The following TNFAIP6 variants were observed in gnomAD, a reference collection of about 807,000 sequenced individuals.
TNFAIP6 encodes TNF alpha induced protein 6.
TNFAIP6 carries 36 observed loss-of-function variants against 33.7 expected under a neutral mutation model. The observed-to-expected ratio is 1.07, with a 90% CI of 0.82 to 1.41. The LOEUF is 1.41. Among genes scored for constraint, TNFAIP6 ranks in the 40% most tolerant of loss-of-function variants. The pLI is 0.00. For missense variants in TNFAIP6, 273 were observed against 331.9 expected (o/e 0.82, Z 1.38); for synonymous variants, 113 against 112.8 (o/e 1.00, Z -0.01).
At chr2:151,375,449 C>T (rs914626403) in intron 5 of TNFAIP6, among the ~76,000 whole-genome samples, 3 of 152,266 alleles carry the variant, frequency 2.0e-5, no homozygotes, top group Admixed American at 1.3e-4. Flanking sequence ...TGGCTTACGC[C>T]TGTAATCCCA....
chr2:151,359,489 C>G (rs531755011), intron 1 of TNFAIP6, among the ~76,000 whole-genome samples: 1 of 150,794 alleles, frequency 6.6e-6, no homozygotes, highest in Non-Finnish European at 1.5e-5. Flanking sequence ...CCCAGGTTCA[C>G]GCCATTCTCC....
intron 1 of TNFAIP6, among the ~76,000 whole-genome samples, chr2:151,359,973 A>T (rs991491415): frequency 6.6e-6 from 1 of 152,166 alleles, no homozygotes; most frequent in Non-Finnish European, 1.5e-5. Context: ...ACAGATAAGC[A>T]ATTATTTTTA....
chr2:151,364,122 G>A, intron 2 of TNFAIP6, 42 bp downstream of exon 2: 1 of 1,598,462 alleles, frequency 6.3e-7, no homozygotes, highest in Non-Finnish European at 8.5e-7. Flanking sequence ...TTTATCCTTG[G>A]AGGAAAAAAA....
At chr2:151,362,590 A>G (rs543153084) in intron 1 of TNFAIP6, among the ~76,000 whole-genome samples, 4 of 135,702 alleles carry the variant, frequency 2.9e-5, no homozygotes, top group South Asian at 2.4e-4. Flanking sequence ...TCCCGGGTTC[A>G]TGTCATTCTC....
Position 151,370,179 on chromosome 2 carries a change from A to G in TNFAIP6, c.554A>G (p.Asp185Gly), listed in dbSNP as rs762203306. The change falls in exon 4 of 6, where the codon GAC (aspartate) becomes GGC (glycine). Residue 185 changes from aspartate to glycine, a missense_variant. Transcript: ENST00000243347. ...LSFLDFDLED[D>G]PGCLADYVEI... ...TTTTTAGATTTTGACCTTGAAGATGACCCAGGTTGCTTGGCTGATTATGTT... is the reference window on the plus strand; with the variant it reads ...TTTTTAGATTTTGACCTTGAAGATGGCCCAGGTTGCTTGGCTGATTATGTT... 3.7e-6 allele frequency: 6 copies of G among 1,613,994 alleles called. No homozygotes were observed.
At chr2:151,362,240 A>G (rs1684635883) in intron 1 of TNFAIP6, among the ~76,000 whole-genome samples, 1 of 152,160 alleles carries the variant, frequency 6.6e-6, no homozygotes, top group African/African-American at 2.4e-5. Context: ...AAAACAATCC[A>G]TTTAAACAGT....
chr2:151,361,220 G>A (rs1411652628), intron 1 of TNFAIP6, among the ~76,000 whole-genome samples: 4 of 151,948 alleles, frequency 2.6e-5, no homozygotes, highest in East Asian at 3.9e-4. Context: ...GACTACAGGC[G>A]TGCACCACCA....
At chr2:151,366,696 G>C (rs1379259157) in intron 3 of TNFAIP6, among the ~76,000 whole-genome samples, 1 of 152,172 alleles carries the variant, frequency 6.6e-6, no homozygotes, top group Non-Finnish European at 1.5e-5. Flanking sequence ...CGGGGAAAAG[G>C]AGACAAAGTA....
chr2:151,369,068 C>G lies in TNFAIP6; in HGVS notation c.395-952C>G, dbSNP rs1395251345. 2.0e-5 allele frequency among the ~76,000 whole-genome samples: 3 copies of G among 152,234 alleles called. No homozygotes were observed. The East Asian group carries it at 5.8e-4, about 29-fold the overall frequency. On this transcript the variant is annotated intron_variant, in intron 3 of 5. Coordinates refer to ENST00000243347, the MANE Select transcript of TNFAIP6 (RefSeq NM_007115.4). Reference sequence around the variant, plus strand: ...ATTAGCCAGACGTGGTGGCTCATGCCTGTAATCCCAGCTACTCAGAAGGCT... The same window carrying G: ...ATTAGCCAGACGTGGTGGCTCATGCGTGTAATCCCAGCTACTCAGAAGGCT...
chr2:151,370,185 G>A lies in TNFAIP6; in HGVS notation c.560G>A (p.Gly187Asp). Reference sequence around the variant, plus strand: ...GATTTTGACCTTGAAGATGACCCAGGTTGCTTGGCTGATTATGTTGAAATA... The same window carrying A: ...GATTTTGACCTTGAAGATGACCCAGATTGCTTGGCTGATTATGTTGAAATA... Reference protein sequence around the residue: ...FLDFDLEDDPGCLADYVEIYD... With the variant: ...FLDFDLEDDPDCLADYVEIYD... Residue 187 changes from glycine (G) to aspartate (D), a missense_variant, in exon 4 of 6, where the codon GGT (glycine) becomes GAT (aspartate). Transcript: ENST00000243347. 6.2e-7 allele frequency: 1 copy of A among 1,614,108 alleles called. No individual in the cohort carries two copies. Among genetic ancestry groups the A allele is most frequent in the Non-Finnish European group, 8.5e-7 (1 of 1,180,022 alleles).
At chr2:151,374,637 T>C (rs963823919) in intron 5 of TNFAIP6, among the ~76,000 whole-genome samples, 5 of 152,256 alleles carry the variant, frequency 3.3e-5, no homozygotes, top group African/African-American at 4.8e-5. Context: ...ATCGAATGAT[T>C]AATGCTTAAA....
At chr2:151,373,423 A>G (rs1684848968) in intron 4 of TNFAIP6, 126 bp from the exon 5 acceptor site, 1 of 460,692 alleles carries the variant, frequency 2.2e-6, no homozygotes, top group African/African-American at 2.0e-5. Context: ...TAAAATAACA[A>G]TAGAAATTTT....
At chr2:151,369,553 C>T (rs1180259876) in intron 3 of TNFAIP6, among the ~76,000 whole-genome samples, 2 of 151,908 alleles carry the variant, frequency 1.3e-5, no homozygotes. Context: ...GCAGGAGGCT[C>T]ACTTGAGGTC....
intron 5 of TNFAIP6, among the ~76,000 whole-genome samples, chr2:151,374,498 A>C (rs559998273): frequency 6.6e-6 from 1 of 152,262 alleles, no homozygotes; most frequent in South Asian, 2.1e-4. Context: ...AAACAACAAA[A>C]CTACATTGAG....
chr2:151,375,061 G>A (rs1015699641), intron 5 of TNFAIP6, among the ~76,000 whole-genome samples: 3 of 143,908 alleles, frequency 2.1e-5, no homozygotes, highest in African/African-American at 5.0e-5. Flanking sequence ...GGAGGCAGAG[G>A]TTGTGGTGAG....
chr2:151,373,451 G>A (rs984450478), intron 4 of TNFAIP6, 98 bp from the exon 5 acceptor site: 1 of 557,494 alleles, frequency 1.8e-6, no homozygotes, highest in African/African-American at 1.9e-5. Flanking sequence ...ATGGAACAAT[G>A]AGCTATTACT....
At chr2:151,376,865 CTT>C (rs71403162) in intron 5 of TNFAIP6, among the ~76,000 whole-genome samples, 400 of 114,166 alleles carry the variant, frequency 3.5e-3, no homozygotes, top group South Asian at 6.0e-3. Context: ...TTTTTCTTTT[CTT>C]TTTTTTTTTT....
intron 4 of TNFAIP6, among the ~76,000 whole-genome samples, chr2:151,372,746 C>A (rs1404796963): frequency 6.6e-6 from 1 of 151,926 alleles, no homozygotes; most frequent in Admixed American, 6.6e-5. Flanking sequence ...ATGGCAAAAC[C>A]CTGTGTCTAC....
chr2:151,365,508 G>A (rs932002651), intron 2 of TNFAIP6, among the ~76,000 whole-genome samples: 10 of 151,964 alleles, frequency 6.6e-5, no homozygotes, highest in African/African-American at 1.9e-4. Flanking sequence ...GCATGGTGGT[G>A]CATGCCTGTA....
Sources: allele counts gnomAD v4.1 joint callset (sites outside exome capture counted in the v4.1 genomes callset), GRCh38; gene constraint gnomAD v4.1.1; transcripts MANE v1.5; gene names NCBI Gene and HGNC (gene_info 2026-07-23, HGNC 2026-07-21).